CYP7B1: variants seen among roughly 807,000 people sequenced by gnomAD.
The protein encoded by CYP7B1 is cytochrome P450 7B1.
Under a neutral mutation model 42.7 loss-of-function variants are expected in CYP7B1, and 29 were observed. The ratio of observed to expected loss-of-function variants is 0.68; its 90% CI spans 0.51 to 0.93. CYP7B1 has a LOEUF of 0.93. CYP7B1 is among the 40% of genes least tolerant of loss of function. The pLI, the probability that CYP7B1 is intolerant of heterozygous loss-of-function variation, is 0.00. For synonymous variants in CYP7B1, 235 were observed against 218.2 expected, an observed-to-expected ratio of 1.08 and a Z score of -0.68; for missense variants, 655 against 600.5, an observed-to-expected ratio of 1.09 and a Z score of -0.95.
chr8:64,705,000 C>G (rs1192887782), intron 1 of CYP7B1, among the ~76,000 whole-genome samples: 1 of 151,946 alleles, frequency 6.6e-6, no homozygotes, highest in Non-Finnish European at 1.5e-5. Flanking sequence ...CAGTAATTAC[C>G]TATGATCCCA....
intron 1 of CYP7B1, among the ~76,000 whole-genome samples, chr8:64,632,922 C>T (rs746687017): frequency 2.6e-4 from 40 of 151,602 alleles, no homozygotes; most frequent in Middle Eastern, 3.2e-3. Flanking sequence ...GAACTGCCAT[C>T]GACAGAAAGG....
chr8:64,767,741 C>T (rs1343964395), intron 1 of CYP7B1, among the ~76,000 whole-genome samples: 3 of 152,154 alleles, frequency 2.0e-5, no homozygotes, highest in Non-Finnish European at 4.4e-5. Context: ...CATTTCAATC[C>T]CTGTATCTTT....
chr8:64,674,413 T>C (rs756208440), intron 1 of CYP7B1, among the ~76,000 whole-genome samples: 2 of 152,118 alleles, frequency 1.3e-5, no homozygotes, highest in African/African-American at 2.4e-5. Flanking sequence ...CACCATACCC[T>C]TGACCTTGTT....
chr8:64,624,271 T>C lies in CYP7B1; in HGVS notation c.259+132A>G. Reference sequence around the variant, plus strand: ...CTGAACTAAAAATAATAGTTTTCTTTCACATTAGCTCTACAAAATAAAATA... The same window carrying C: ...CTGAACTAAAAATAATAGTTTTCTTCCACATTAGCTCTACAAAATAAAATA... On this transcript the variant is annotated intron_variant, in intron 2 of 5. Coordinates refer to ENST00000310193, the MANE Select transcript of CYP7B1 (RefSeq NM_004820.5). The C allele has an allele frequency of 8.2e-6, 7 of 850,078 alleles. No homozygotes were observed. The South Asian group carries it at 1.1e-4, about 13-fold the overall frequency. 52.7% of individuals were successfully genotyped at this position (850,078 alleles called of 1,614,324 possible).
At chr8:64,643,335 G>A (rs946930319) in intron 1 of CYP7B1, among the ~76,000 whole-genome samples, 48 of 151,978 alleles carry the variant, frequency 3.2e-4, no homozygotes, top group African/African-American at 1.2e-3. Flanking sequence ...TTTTTACAGT[G>A]CATATAAAAT....
At chr8:64,681,846 A>G (rs1322233611) in intron 1 of CYP7B1, among the ~76,000 whole-genome samples, 1 of 152,228 alleles carries the variant, frequency 6.6e-6, no homozygotes, top group Admixed American at 6.5e-5. Flanking sequence ...ACTATGAGAT[A>G]ATAAATGTTT....
intron 5 of CYP7B1, among the ~76,000 whole-genome samples, chr8:64,599,167 T>C (rs115474843): frequency 0.015 from 2,265 of 152,246 alleles, 51 homozygotes; most frequent in African/African-American, 0.048. Context: ...TTGGAATTCA[T>C]CAAACTGGTT....
chr8:64,633,149 A>G (rs180807794), intron 1 of CYP7B1, among the ~76,000 whole-genome samples: 28 of 152,290 alleles, frequency 1.8e-4, no homozygotes, highest in African/African-American at 6.7e-4. Context: ...AATCCGGTAC[A>G]CTATCTATGT....
intron 4 of CYP7B1, among the ~76,000 whole-genome samples, chr8:64,605,612 A>T (rs1348358585): frequency 2.0e-5 from 3 of 152,166 alleles, no homozygotes; most frequent in Non-Finnish European, 4.4e-5. Context: ...TGGGAATAAT[A>T]TGCATAATTT....
chr8:64,739,318 T>C (rs571077745), intron 1 of CYP7B1, among the ~76,000 whole-genome samples: 2 of 152,330 alleles, frequency 1.3e-5, no homozygotes, highest in East Asian at 3.9e-4. Flanking sequence ...AGCAGGACTC[T>C]GGTATAATGG....
At chr8:64,679,765 A>G (rs1229872269) in intron 1 of CYP7B1, among the ~76,000 whole-genome samples, 1 of 152,188 alleles carries the variant, frequency 6.6e-6, no homozygotes, top group Non-Finnish European at 1.5e-5. Context: ...TATTTAATGT[A>G]TAGAACTTGG....
chr8:64,667,147 C>A (rs971519039), intron 1 of CYP7B1, among the ~76,000 whole-genome samples: 2 of 152,044 alleles, frequency 1.3e-5, no homozygotes, highest in African/African-American at 4.8e-5. Flanking sequence ...GAAAAAAGAA[C>A]CCAATGGGGA....
At chr8:64,790,885 G>T (rs1243069652) in intron 1 of CYP7B1, among the ~76,000 whole-genome samples, 1 of 152,106 alleles carries the variant, frequency 6.6e-6, no homozygotes, top group Non-Finnish European at 1.5e-5. Context: ...GTTAAGATGT[G>T]GTCCTACTGC....
intron 1 of CYP7B1, among the ~76,000 whole-genome samples, chr8:64,708,519 GATT>G (rs1807033171): frequency 1.3e-5 from 2 of 152,146 alleles, no homozygotes; most frequent in African/African-American, 4.8e-5. Context: ...TCAGTATCAG[GATT>G]ATGCTAGTGA....
chr8:64,679,798 C>T (rs1025431223), intron 1 of CYP7B1, among the ~76,000 whole-genome samples: 2 of 152,134 alleles, frequency 1.3e-5, no homozygotes. Context: ...TAAGTATCTA[C>T]TTCTGAAACC....
intron 1 of CYP7B1, among the ~76,000 whole-genome samples, chr8:64,640,636 C>T (rs1319963203): frequency 2.0e-5 from 3 of 152,064 alleles, no homozygotes; most frequent in Non-Finnish European, 2.9e-5. Flanking sequence ...TTGGAAGATT[C>T]ACCTAGCTCA....
At chr8:64,793,963 C>A (rs1036729779) in intron 1 of CYP7B1, among the ~76,000 whole-genome samples, 21 of 143,354 alleles carry the variant, frequency 1.5e-4, no homozygotes, top group South Asian at 2.2e-4. Flanking sequence ...AAATACGAAA[C>A]AAAAAAAAAA....
intron 1 of CYP7B1, among the ~76,000 whole-genome samples, chr8:64,676,714 C>A (rs1179281446): frequency 2.0e-5 from 3 of 152,022 alleles, no homozygotes; most frequent in African/African-American, 7.2e-5. Context: ...TCTATTGCAA[C>A]TTGATTTCTC....
chr8:64,747,801 T>C (rs1807667112), intron 1 of CYP7B1, among the ~76,000 whole-genome samples: 1 of 152,136 alleles, frequency 6.6e-6, no homozygotes, highest in African/African-American at 2.4e-5. Flanking sequence ...ATAAAAGCAC[T>C]TAACCCAGCA....
Sources: allele counts gnomAD v4.1 joint callset (sites outside exome capture counted in the v4.1 genomes callset), GRCh38; gene constraint gnomAD v4.1.1; transcripts MANE v1.5; gene names NCBI Gene and HGNC (gene_info 2026-07-23, HGNC 2026-07-21).